Variants in TENM4 observed in about 807,000 individuals in gnomAD.
The protein encoded by TENM4 is teneurin transmembrane protein 4.
Under a neutral mutation model 243.3 loss-of-function variants are expected in TENM4, and 82 were observed. The ratio of observed to expected loss-of-function variants is 0.34; its 90% CI spans 0.28 to 0.40. TENM4 has a LOEUF of 0.40. Among genes scored for constraint, TENM4 ranks in the 10% least tolerant of loss-of-function variants. TENM4 has a pLI of 1.00. For missense variants in TENM4, 3,138 were observed against 3,673.3 expected, an observed-to-expected ratio of 0.85 and a Z score of 3.77; for synonymous variants, 1,412 against 1,456.3, an observed-to-expected ratio of 0.97 and a Z score of 0.69.
chr11:78,854,648 G>A (rs1858631859), intron 11 of TENM4, among the ~76,000 whole-genome samples: 1 of 152,136 alleles, frequency 6.6e-6, no homozygotes, highest in South Asian at 2.1e-4. Context: ...AATGCCGGGT[G>A]TGTGGTTAGA....
chr11:78,716,076 T>C (rs1259265515), intron 25 of TENM4, among the ~76,000 whole-genome samples: 1 of 152,184 alleles, frequency 6.6e-6, no homozygotes, highest in Non-Finnish European at 1.5e-5. Flanking sequence ...TCCCTTATAT[T>C]TCAGAAAACT....
intron 2 of TENM4, among the ~76,000 whole-genome samples, chr11:79,240,073 G>T (rs1369002489): frequency 6.6e-6 from 1 of 152,112 alleles, no homozygotes; most frequent in Non-Finnish European, 1.5e-5. Context: ...CCTGAGTTTC[G>T]ATCCTGGCTT....
chr11:78,733,017 A>C (rs183153718), intron 20 of TENM4, among the ~76,000 whole-genome samples: 56 of 152,316 alleles, frequency 3.7e-4, no homozygotes, highest in East Asian at 9.7e-4. Context: ...TAAGTCACTT[A>C]GCCTCTTTGA....
At chr11:79,281,334 G>A (rs1477078079) in intron 2 of TENM4, among the ~76,000 whole-genome samples, 4 of 152,208 alleles carry the variant, frequency 2.6e-5, no homozygotes, top group Admixed American at 2.6e-4. Context: ...CATTGGGAGA[G>A]TTGGGCTTTG....
chr11:78,930,608 G>A (rs1856646346), intron 6 of TENM4, among the ~76,000 whole-genome samples: 1 of 152,194 alleles, frequency 6.6e-6, no homozygotes, highest in Non-Finnish European at 1.5e-5. Flanking sequence ...GGATCCTGGG[G>A]AAGATGAAAT....
chr11:78,721,516 G>A (rs1038557312), intron 24 of TENM4, among the ~76,000 whole-genome samples: 11 of 152,214 alleles, frequency 7.2e-5, no homozygotes, highest in African/African-American at 1.2e-4. Context: ...AGGCTTTGGC[G>A]AGGCAGAGGT....
chr11:78,690,342 C>A (rs111744527), intron 28 of TENM4, among the ~76,000 whole-genome samples: 165 of 152,192 alleles, frequency 1.1e-3, no homozygotes, highest in Non-Finnish European at 1.9e-3. Context: ...TTCTTTTTAA[C>A]CATTTGTGGC....
rs1857880648 is a variant in TENM4, at chr11:78,655,980, G to C, written c.*2078C>G. The C allele has an allele frequency of 6.6e-6, 1 of 152,212 alleles. No individual in the cohort carries two copies. The allele number at this position is 152,212 out of a possible 1,614,324, so 9.4% of individuals were successfully genotyped here. A position where few individuals can be genotyped will look rare whatever the true frequency, so the allele number is the denominator to read the frequency against. The stretch of plus-strand genomic sequence containing the variant: ...ATCCAGGGGCAATGGGCAACCAGTG[G>C]ACAAGCAGGCCAAAGCGCACTGCTG... On this transcript the variant is annotated 3_prime_UTR_variant, in exon 34 of 34. Coordinates refer to ENST00000278550, the MANE Select transcript of TENM4 (RefSeq NM_001098816.3).
Position 78,771,117 on chromosome 11 carries a change from T to C in TENM4, c.2414A>G (p.Asn805Ser), listed in dbSNP as rs1246313679. The C allele has an allele frequency of 1.3e-5, 20 of 1,570,950 alleles. No homozygotes were observed. The highest frequency in any genetic ancestry group is 2.4e-5 in the East Asian group (1 of 42,382). Residue 805 changes from asparagine (N) to serine (S), a missense_variant, in exon 18 of 34, where the codon AAT (asparagine) becomes AGT (serine). Physicochemically the swap from Asn to Ser is conservative, Grantham distance 46. This residue lies in a region of TENM4 where 2,467 missense variants were observed against 3,059.1 expected (regional missense o/e 0.81). Transcript: ENST00000278550. ...VVKEGCPGLC[N>S]GNGRCTLDLN... ...GTCTAAGGTACATCTGCCGTTGCCATTGCACAACCCAGGGCAACCCTCTGA... is the reference window on the plus strand; with the variant it reads ...GTCTAAGGTACATCTGCCGTTGCCACTGCACAACCCAGGGCAACCCTCTGA...
At chr11:79,001,799 C>A (rs996023022) in intron 6 of TENM4, among the ~76,000 whole-genome samples, 4 of 152,138 alleles carry the variant, frequency 2.6e-5, no homozygotes, top group African/African-American at 9.7e-5. Context: ...GCCTTGGATG[C>A]CCAACCAGGG....
chr11:78,847,181 A>G (rs1389222764), intron 12 of TENM4, among the ~76,000 whole-genome samples: 1 of 152,232 alleles, frequency 6.6e-6, no homozygotes, highest in Non-Finnish European at 1.5e-5. Context: ...AACTCTACTT[A>G]AATGCTACTC....
chr11:79,205,636 C>T (rs971351244), intron 3 of TENM4, among the ~76,000 whole-genome samples: 8 of 152,322 alleles, frequency 5.3e-5, no homozygotes, highest in Middle Eastern at 3.4e-3. Flanking sequence ...AATTGTTATA[C>T]ATAAGACAGT....
chr11:79,169,236 A>G (rs112546898), intron 3 of TENM4, among the ~76,000 whole-genome samples: 1 of 152,328 alleles, frequency 6.6e-6, no homozygotes, highest in East Asian at 1.9e-4. Context: ...GTTTTAAAAC[A>G]TCAAGTTTTG....
At chr11:78,923,908 G>T (rs1200061319) in intron 6 of TENM4, among the ~76,000 whole-genome samples, 1 of 150,878 alleles carries the variant, frequency 6.6e-6, no homozygotes, top group African/African-American at 2.4e-5. Flanking sequence ...AGGCTGGAGT[G>T]CAATGGTGTG....
chr11:79,287,344 G>C (rs1471191954), intron 2 of TENM4, among the ~76,000 whole-genome samples: 1 of 152,136 alleles, frequency 6.6e-6, no homozygotes, highest in Non-Finnish European at 1.5e-5. Context: ...CCACATCATG[G>C]CTGGTAGAAA....
intron 2 of TENM4, among the ~76,000 whole-genome samples, chr11:79,247,516 G>C (rs963571219): frequency 6.6e-6 from 1 of 151,956 alleles, no homozygotes; most frequent in African/African-American, 2.4e-5. Context: ...ACTGCAGAAA[G>C]GGTCTTCATC....
chr11:79,222,371 T>TAAA (rs1313041214), intron 2 of TENM4, among the ~76,000 whole-genome samples: 6 of 152,236 alleles, frequency 3.9e-5, no homozygotes, highest in Non-Finnish European at 7.3e-5. Context: ...TTCCATGGTG[T>TAAA]ATATGTACAA....
At chr11:78,756,410 C>T (rs531144474) in intron 19 of TENM4, 16 of 223,876 alleles carry the variant, frequency 7.1e-5, no homozygotes, top group Non-Finnish European at 9.8e-5. Flanking sequence ...ATGTACCCAC[C>T]CCCTGCCTAG....
At chr11:79,207,225 G>C (rs1863866019) in intron 3 of TENM4, among the ~76,000 whole-genome samples, 1 of 152,182 alleles carries the variant, frequency 6.6e-6, no homozygotes, top group Non-Finnish European at 1.5e-5. Context: ...TGCACATACT[G>C]AGAGAAGAGC....
Sources: gnomAD v4.1 joint callset for allele counts (sites outside exome capture counted in the v4.1 genomes callset) on GRCh38, gnomAD v4.1.1 for gene constraint, gnomAD v4.1.1 regional missense constraint, MANE v1.5 for transcripts, NCBI Gene and HGNC (gene_info 2026-07-23, HGNC 2026-07-21) for gene names.